CNTNAP4: variants seen among roughly 807,000 people sequenced by gnomAD.
The protein encoded by CNTNAP4 is contactin associated protein family member 4, also known as contactin-associated protein-like 4.
A neutral mutation model predicts 148.4 loss-of-function variants in CNTNAP4; 98 were observed. That is an observed-to-expected ratio of 0.66 (90% CI 0.56 to 0.78). CNTNAP4 has a LOEUF of 0.78. CNTNAP4 is among the 30% of genes least tolerant of loss of function. CNTNAP4 has a pLI of 0.00. For missense variants in CNTNAP4, 1,935 were observed against 1,565.6 expected, an observed-to-expected ratio of 1.24 and a Z score of -3.98; for synonymous variants, 730 against 565.1, an observed-to-expected ratio of 1.29 and a Z score of -4.14.
At chr16:76,373,317 T>G (rs1250316138) in intron 3 of CNTNAP4, among the ~76,000 whole-genome samples, 2 of 152,066 alleles carry the variant, frequency 1.3e-5, no homozygotes, top group East Asian at 3.9e-4. Context: ...CATAAATATG[T>G]GGAGTATATT....
intron 1 of CNTNAP4, among the ~76,000 whole-genome samples, chr16:76,294,985 G>A (rs1959199196): frequency 6.6e-6 from 1 of 152,132 alleles, no homozygotes; most frequent in South Asian, 2.1e-4. Context: ...GCTTATAGGG[G>A]GGCCGGTGTT....
chr16:76,503,994 TGATAA>T (rs2082747925), intron 15 of CNTNAP4, among the ~76,000 whole-genome samples: 1 of 152,118 alleles, frequency 6.6e-6, no homozygotes, highest in Admixed American at 6.5e-5. Flanking sequence ...TTAAAAGATT[TGATAA>T]GATGTCAATT....
At chr16:76,453,656 A>T (rs184668823) in intron 8 of CNTNAP4, among the ~76,000 whole-genome samples, 3 of 152,338 alleles carry the variant, frequency 2.0e-5, no homozygotes, top group Admixed American at 2.0e-4. Context: ...AAATAGTGGA[A>T]TGTAACTTGG....
chr16:76,490,783 A>T (rs968532445), intron 13 of CNTNAP4, among the ~76,000 whole-genome samples: 1 of 152,030 alleles, frequency 6.6e-6, no homozygotes, highest in Non-Finnish European at 1.5e-5. Context: ...CACCCTGCCT[A>T]TACAACCCTC....
At chr16:76,373,476 A>G (rs78529051) in intron 3 of CNTNAP4, among the ~76,000 whole-genome samples, 3,162 of 152,218 alleles carry the variant, frequency 0.021, 55 homozygotes, top group South Asian at 0.035. Flanking sequence ...TATTATCTGC[A>G]CTAAATTTAC....
intron 7 of CNTNAP4, among the ~76,000 whole-genome samples, chr16:76,452,029 A>G (rs1387439054): frequency 1.3e-5 from 2 of 151,990 alleles, no homozygotes; most frequent in African/African-American, 2.4e-5. Flanking sequence ...TATCACTAAG[A>G]AAAAAGACCA....
chr16:76,291,001 C>A (rs1398928353), intron 1 of CNTNAP4, among the ~76,000 whole-genome samples: 4 of 152,036 alleles, frequency 2.6e-5, no homozygotes, highest in African/African-American at 9.7e-5. Context: ...TCTTACTCTT[C>A]TTATAAGGGG....
chr16:76,451,250 A>G (rs1487628379), intron 7 of CNTNAP4, among the ~76,000 whole-genome samples: 1 of 152,238 alleles, frequency 6.6e-6, no homozygotes. Context: ...AATTCTAACT[A>G]TCAAGTATCA....
chr16:76,448,661 A>G (rs2080340334), intron 5 of CNTNAP4, 106 bp from the exon 6 acceptor site: 2 of 771,988 alleles, frequency 2.6e-6, no homozygotes, highest in East Asian at 2.8e-5. Context: ...GAATGCGTAG[A>G]AGGAGATTGC....
intron 3 of CNTNAP4, among the ~76,000 whole-genome samples, chr16:76,421,651 A>G (rs1304148718): frequency 1.3e-5 from 2 of 151,758 alleles, no homozygotes; most frequent in Non-Finnish European, 2.9e-5. Context: ...TTTCTATTTG[A>G]CAGCATGTTG....
intron 10 of CNTNAP4, among the ~76,000 whole-genome samples, chr16:76,468,892 C>A (rs960076506): frequency 6.6e-6 from 1 of 152,144 alleles, no homozygotes; most frequent in Non-Finnish European, 1.5e-5. Context: ...ATGCCATAAC[C>A]ATTACAGATT....
chr16:76,341,112 G>A (rs973481022), intron 2 of CNTNAP4, among the ~76,000 whole-genome samples: 11 of 152,094 alleles, frequency 7.2e-5, no homozygotes, highest in African/African-American at 2.4e-4. Flanking sequence ...GCCATTATTC[G>A]TTCTTCACCT....
At chr16:76,311,698 A>G (rs1261118184) in intron 1 of CNTNAP4, among the ~76,000 whole-genome samples, 1 of 152,176 alleles carries the variant, frequency 6.6e-6, no homozygotes, top group African/African-American at 2.4e-5. Context: ...TCTCTAATTG[A>G]AAGAAACAAT....
At chr16:76,520,660 A>G (rs559159225) in intron 15 of CNTNAP4, among the ~76,000 whole-genome samples, 32 of 152,306 alleles carry the variant, frequency 2.1e-4, no homozygotes, top group African/African-American at 7.5e-4. Flanking sequence ...CACAAGGCCC[A>G]TTAAAGAAAA....
intron 1 of CNTNAP4, among the ~76,000 whole-genome samples, chr16:76,306,889 A>G (rs1960532410): frequency 6.6e-6 from 1 of 152,218 alleles, no homozygotes; most frequent in African/African-American, 2.4e-5. Context: ...TCTGCACTTT[A>G]TAGGCAGAGG....
intron 3 of CNTNAP4, among the ~76,000 whole-genome samples, chr16:76,374,586 G>T (rs1290383941): frequency 6.6e-6 from 1 of 151,840 alleles, no homozygotes; most frequent in African/African-American, 2.4e-5. Flanking sequence ...CAGCCTTCTT[G>T]TTCTCATAAA....
intron 13 of CNTNAP4, among the ~76,000 whole-genome samples, chr16:76,493,910 G>A (rs968389405): frequency 1.3e-5 from 2 of 152,152 alleles, no homozygotes; most frequent in Non-Finnish European, 2.9e-5. Flanking sequence ...GCATTTATAA[G>A]CAAGGGAGAA....
At chr16:76,463,132 G>A (rs992096932) in intron 9 of CNTNAP4, among the ~76,000 whole-genome samples, 7 of 152,056 alleles carry the variant, frequency 4.6e-5, no homozygotes, top group African/African-American at 1.7e-4. Flanking sequence ...TGTTTAAACC[G>A]GGCTGCTTAT....
At chr16:76,401,235 C>T (rs117649864) in intron 3 of CNTNAP4, among the ~76,000 whole-genome samples, 1,805 of 152,208 alleles carry the variant, frequency 0.012, 60 homozygotes, top group East Asian at 0.11. Flanking sequence ...TTGTTACTCT[C>T]ATTGTAGAGA....
Sources: allele counts gnomAD v4.1 joint callset (sites outside exome capture counted in the v4.1 genomes callset), GRCh38; gene constraint gnomAD v4.1.1; transcripts MANE v1.5; gene names NCBI Gene and HGNC (gene_info 2026-07-23, HGNC 2026-07-21).